ATE1: variants seen among roughly 807,000 people sequenced by gnomAD.
ATE1 encodes arginyltransferase 1, also known as arginyl-tRNA--protein transferase 1.
A neutral mutation model predicts 70.5 loss-of-function variants in ATE1; 36 were observed. The ratio of observed to expected loss-of-function variants is 0.51; its 90% CI spans 0.39 to 0.67. The LOEUF (loss-of-function observed/expected upper bound fraction) is 0.67, where lower values mean the gene tolerates loss of function less well. Among genes scored for constraint, ATE1 ranks in the 30% least tolerant of loss-of-function variants. The probability of loss-of-function intolerance (pLI) is 0.00; values close to 1 mark genes in which losing one functional copy is unlikely to be tolerated. For synonymous variants in ATE1, 232 were observed against 219.3 expected (o/e 1.06, Z -0.51); for missense variants, 593 against 629.5 (o/e 0.94, Z 0.62).
rs114589109 is a variant in ATE1 at position 121,848,399 on chromosome 10, T to C, written c.976-7136A>G. Among the ~76,000 whole-genome samples the C allele has an allele frequency of 8.7e-3, 1,309 of 151,238 alleles. 23 individuals are homozygous for C. Among genetic ancestry groups the C allele is most frequent in the African/African-American group, 0.031 (1,263 of 41,170 alleles). The stretch of plus-strand genomic sequence containing the variant: ...TGGGAGGCAGAGGCAGGCCGATCAT[T>C]TGAGGCAAGGAGTTCGAGACCAGCC... On this transcript the variant is annotated intron_variant, in intron 8 of 11. Transcript: ENST00000224652.
chr10:121,879,656 A>G (rs1347075508), intron 7 of ATE1, among the ~76,000 whole-genome samples: 1 of 152,184 alleles, frequency 6.6e-6, no homozygotes, highest in African/African-American at 2.4e-5. Context: ...AATATTCATA[A>G]TCGTTTCTTT....
chr10:121,774,390 G>T (rs1016924408), intron 11 of ATE1, among the ~76,000 whole-genome samples: 4 of 152,076 alleles, frequency 2.6e-5, no homozygotes, highest in Non-Finnish European at 5.9e-5. Flanking sequence ...ACAGGTCAAG[G>T]TCAGAAAATT....
At chr10:121,885,084 A>C (rs1950339945) in intron 7 of ATE1, among the ~76,000 whole-genome samples, 1 of 151,470 alleles carries the variant, frequency 6.6e-6, no homozygotes. Context: ...AACATGGTGA[A>C]ATCCTGTCTC....
At chr10:121,752,279 G>A (rs1274829743) in intron 11 of ATE1, among the ~76,000 whole-genome samples, 1 of 140,578 alleles carries the variant, frequency 7.1e-6, no homozygotes, top group Non-Finnish European at 1.5e-5. Context: ...CGCCCAGGCT[G>A]GAGTGCAGTG....
intron 8 of ATE1, 49 bp from the exon 9 acceptor site, chr10:121,841,312 A>G: frequency 2.5e-6 from 3 of 1,213,294 alleles, no homozygotes; most frequent in Non-Finnish European, 3.2e-6. Context: ...TATTAAAATA[A>G]TCTTATAATT....
At chr10:121,873,291 C>T (rs1232023737) in intron 7 of ATE1, among the ~76,000 whole-genome samples, 4 of 151,984 alleles carry the variant, frequency 2.6e-5, no homozygotes, top group African/African-American at 9.7e-5. Flanking sequence ...AGAATCCAGG[C>T]ATAAAAGGCA....
At chr10:121,924,140 A>T in intron 2 of ATE1, 126 bp downstream of exon 2, 1 of 772,976 alleles carries the variant, frequency 1.3e-6, no homozygotes, top group Non-Finnish European at 2.1e-6. Flanking sequence ...AAAAATCACT[A>T]CATAAAAGAA....
At chr10:121,883,218 GATGT>G (rs1007717314) in intron 7 of ATE1, among the ~76,000 whole-genome samples, 3 of 152,006 alleles carry the variant, frequency 2.0e-5, no homozygotes, top group South Asian at 2.1e-4. Context: ...ATAATTTACT[GATGT>G]ATTATGCTTA....
chr10:121,791,080 G>C (rs767504792), intron 10 of ATE1, among the ~76,000 whole-genome samples: 1 of 41,138 alleles, frequency 2.4e-5, no homozygotes, highest in Admixed American at 2.6e-4. Context: ...GTGTGTGTGT[G>C]TGTGTGTGTA....
In ATE1 at chr10:121,841,200, C is replaced by T; in HGVS notation, c.1039G>A (p.Asp347Asn). Reference sequence around the variant, plus strand: ...ACCCCCACAGCAATGATCTTTCCGTCAAGCCAGTACTGCTGGTGAAAGGAG... The same window carrying T: ...ACCCCCACAGCAATGATCTTTCCGTTAAGCCAGTACTGCTGGTGAAAGGAG... Reference protein sequence around the residue: ...YGSFHQQYWLDGKIIAVGVID... With the variant: ...YGSFHQQYWLNGKIIAVGVID... Residue 347 changes from aspartate (D) to asparagine (N), a missense_variant, in exon 9 of 12, where the codon GAC becomes AAC. By Grantham distance (23) the Asp-to-Asn change is conservative. Around this residue, in one of 3 missense-constraint regions of ATE1, gnomAD observed 467 missense variants for 469.6 expected, o/e 0.99. Coordinates refer to ENST00000224652, the MANE Select transcript of ATE1 (RefSeq NM_001001976.3). 1 of 1,582,282 alleles carries T rather than the reference C, an allele frequency of 6.3e-7. No homozygotes were observed. Among genetic ancestry groups the T allele is most frequent in the Non-Finnish European group, 8.6e-7 (1 of 1,160,764 alleles).
intron 8 of ATE1, among the ~76,000 whole-genome samples, chr10:121,851,789 G>A (rs1342176404): frequency 6.6e-6 from 1 of 152,130 alleles, no homozygotes; most frequent in African/African-American, 2.4e-5. Flanking sequence ...TCAATTTCAA[G>A]GATTTAGCTG....
intron 11 of ATE1, among the ~76,000 whole-genome samples, chr10:121,750,172 A>G (rs1696839): frequency 0.22 from 32,964 of 152,132 alleles, 4,733 homozygotes; most frequent in Non-Finnish European, 0.32. Flanking sequence ...TGCTTGCCTA[A>G]TAAATGTCAT....
At chr10:121,791,669 AC>A (rs1197351404) in intron 10 of ATE1, among the ~76,000 whole-genome samples, 1 of 152,252 alleles carries the variant, frequency 6.6e-6, no homozygotes, top group African/African-American at 2.4e-5. Flanking sequence ...AACCCATAGT[AC>A]AAAATACATT....
intron 8 of ATE1, among the ~76,000 whole-genome samples, chr10:121,854,373 G>C (rs1330354186): frequency 6.6e-6 from 1 of 152,054 alleles, no homozygotes; most frequent in Non-Finnish European, 1.5e-5. Flanking sequence ...GCATGTGTTT[G>C]TCCTCTATTT....
At chr10:121,796,773 C>T (rs1331624856) in intron 10 of ATE1, among the ~76,000 whole-genome samples, 1 of 152,132 alleles carries the variant, frequency 6.6e-6, no homozygotes, top group African/African-American at 2.4e-5. Context: ...AAATGCACTT[C>T]CTGCTCTATT....
At chr10:121,771,625 C>T (rs895013157) in intron 11 of ATE1, among the ~76,000 whole-genome samples, 27 of 152,080 alleles carry the variant, frequency 1.8e-4, no homozygotes, top group African/African-American at 6.3e-4. Context: ...AGAGCAAAGG[C>T]CAATAAACAG....
At chr10:121,821,150 T>C (rs180844888) in intron 10 of ATE1, among the ~76,000 whole-genome samples, 90 of 152,244 alleles carry the variant, frequency 5.9e-4, no homozygotes, top group Non-Finnish European at 1.1e-3. Flanking sequence ...TTCACCATGT[T>C]AGCCAGGATG....
Position 121,922,398 on chromosome 10 carries a change from CAT to C in ATE1, c.182_183del (p.Tyr61CysfsTer42). On this transcript the variant is annotated frameshift_variant, in exon 3 of 12. Transcript: ENST00000224652. LOFTEE classifies it high-confidence loss of function. The part of the protein sequence containing the change: ...IDRGWRRSGK[Y>X]VYKPVMNQTC... ...GTTTGATTCATGACAGGTTTGTACA[CAT>C]ATTTTCCACTTCTAAAATTATAAAA... The C allele has an allele frequency of 6.3e-7, 1 of 1,598,206 alleles. No individual in the cohort carries two copies. Among genetic ancestry groups the C allele is most frequent in the African/African-American group, 1.3e-5 (1 of 74,698 alleles).
In ATE1 at chr10:121,741,900, T is replaced by G. The variant is rs956241863; in HGVS notation, c.*1780A>C. 1 of 152,228 alleles carries G rather than the reference T, an allele frequency of 6.6e-6. No homozygotes were observed. Among genetic ancestry groups the G allele is most frequent in the Non-Finnish European group, 1.5e-5 (1 of 68,032 alleles). The allele number at this position is 152,228 out of a possible 1,614,324, so 9.4% of individuals were successfully genotyped here. A position where few individuals can be genotyped will look rare whatever the true frequency, so the allele number is the denominator to read the frequency against. On this transcript the variant is annotated 3_prime_UTR_variant, in exon 12 of 12. Coordinates refer to ENST00000224652, the MANE Select transcript of ATE1 (RefSeq NM_001001976.3). ...GGTAGGGTTGTAGATGATTTTTACT[T>G]TTTATTTATACTTCTTAATGTTCTA...
Sources: allele counts gnomAD v4.1 joint callset (sites outside exome capture counted in the v4.1 genomes callset), GRCh38; gene constraint gnomAD v4.1.1; regional missense constraint gnomAD v4.1.1; transcripts MANE v1.5; gene names NCBI Gene and HGNC (gene_info 2026-07-23, HGNC 2026-07-21).